PCDHGA6: variants seen among roughly 807,000 people sequenced by gnomAD.
PCDHGA6 encodes protocadherin gamma subfamily A, 6.
A neutral mutation model predicts 60.6 loss-of-function variants in PCDHGA6; 41 were observed. The observed-to-expected ratio is 0.68, with a 90% CI of 0.53 to 0.88. PCDHGA6 has a LOEUF of 0.88. Among genes scored for constraint, PCDHGA6 ranks in the 40% least tolerant of loss-of-function variants. The pLI, the probability that PCDHGA6 is intolerant of heterozygous loss-of-function variation, is 0.00. For synonymous variants in PCDHGA6, 594 were observed against 524.4 expected (o/e 1.13, Z -1.81); for missense variants, 1,312 against 1,203.0 (o/e 1.09, Z -1.34).
In PCDHGA6 at chr5:141,375,969, C is replaced by T. The variant is rs778872651; in HGVS notation, c.1886C>T (p.Ala629Val). 3 of 1,613,328 alleles carry T rather than the reference C, an allele frequency of 1.9e-6. No individual in the cohort carries two copies. The South Asian group carries it at 3.3e-5, about 18-fold the overall frequency. Residue 629 changes from alanine to valine, a missense_variant, in exon 1 of 4, where the codon GCG becomes GTG. Transcript: ENST00000517434. ...CTGCACACGGGCGAGGTGCGCACGG[C>T]GCGCGCCCTGCTGGACAGAGACGCG... Reference protein sequence around the residue: ...VGLHTGEVRTARALLDRDALK... With the variant: ...VGLHTGEVRTVRALLDRDALK...
In PCDHGA6 at chr5:141,477,813, A is replaced by T; in HGVS notation, c.2425-16994A>T. ...ACTGATCGCAATGACAATGCCCCCC[A>T]GGTCCTATATCCTCGGCCAGGTGGG... On this transcript the variant is annotated intron_variant, in intron 1 of 3. Coordinates refer to ENST00000517434, the MANE Select transcript of PCDHGA6 (RefSeq NM_018919.3). The surrounding 1 kb of genome is among the most constrained non-coding windows in gnomAD (Gnocchi z 4.9). The T allele has an allele frequency of 6.2e-7, 1 of 1,614,122 alleles. No homozygotes were observed. The highest frequency in any genetic ancestry group is 1.1e-5 in the South Asian group (1 of 91,084).
Position 141,375,227 on chromosome 5 carries a change from G to C in PCDHGA6, c.1144G>C (p.Val382Leu). Residue 382 changes from valine (V) to leucine (L), a missense_variant, in exon 1 of 4, where the codon GTA becomes CTA. Transcript: ENST00000517434. ...FDRDSGLNGL[V>L]TCSIPRSLPF... ...TCGAGACTCTGGCCTGAATGGCCTG[G>C]TAACCTGTTCCATCCCGAGAAGTCT... 1 of 1,613,962 alleles carries C rather than the reference G, an allele frequency of 6.2e-7. No homozygotes were observed. The highest frequency in any genetic ancestry group is 2.2e-5 in the East Asian group (1 of 44,888).
chr5:141,507,616 G>A (rs1288020739), intron 3 of PCDHGA6, among the ~76,000 whole-genome samples: 3 of 152,252 alleles, frequency 2.0e-5, no homozygotes, highest in Non-Finnish European at 4.4e-5. Context: ...GGTATATTTA[G>A]CTGTTGTGGC....
At chr5:141,416,913 G>C (rs2096067624) in intron 1 of PCDHGA6, 1 of 151,920 alleles carries the variant, frequency 6.6e-6, no homozygotes, top group South Asian at 2.1e-4. Context: ...ACACTCTTTA[G>C]GGTCATAGTT....
intron 3 of PCDHGA6, 87 bp from the exon 4 acceptor site, chr5:141,510,854 TGTATAG>T: frequency 6.2e-7 from 1 of 1,602,320 alleles, no homozygotes; most frequent in Non-Finnish European, 8.5e-7. Flanking sequence ...CCCAGGGTGC[TGTATAG>T]GCATTCATTA....
Position 141,374,657 on chromosome 5 carries a change from CCGGAGCTGGTGCTGG to C in PCDHGA6, c.575_589del (p.Pro192_Glu197delinsGln), listed in dbSNP as rs780169875. On this transcript the variant is annotated inframe_deletion, in exon 1 of 4. Coordinates refer to ENST00000517434, the MANE Select transcript of PCDHGA6 (RefSeq NM_018919.3). Reference sequence around the variant, plus strand: ...AAGCGAAGCCCATGGGCCCAAGTACCCGGAGCTGGTGCTGGAGGGCACACTGGACCGGGAAGGAGA... The same window carrying C: ...AAGCGAAGCCCATGGGCCCAAGTACCAGGGCACACTGGACCGGGAAGGAGA... The C allele has an allele frequency of 6.2e-7, 1 of 1,612,018 alleles. No homozygotes were observed. Among genetic ancestry groups the C allele is most frequent in the Admixed American group, 1.7e-5 (1 of 59,650 alleles).
At chr5:141,409,052 A>C in intron 1 of PCDHGA6, 2 of 1,614,050 alleles carry the variant, frequency 1.2e-6, no homozygotes, top group African/African-American at 1.3e-5. Context: ...CTTCCGAAGC[A>C]CTGCCCAGAG....
chr5:141,456,324 G>T (rs757059960), intron 1 of PCDHGA6, among the ~76,000 whole-genome samples: 15 of 152,166 alleles, frequency 9.9e-5, no homozygotes, highest in Non-Finnish European at 2.9e-5. Context: ...TCCTCCTGGG[G>T]TTGATCTAAG....
chr5:141,427,887 C>A (rs759734297), intron 1 of PCDHGA6: 2 of 1,565,908 alleles, frequency 1.3e-6, no homozygotes, highest in Admixed American at 1.7e-5. Flanking sequence ...GGCCCACGAC[C>A]AGGGCTCGCC....
Position 141,432,298 on chromosome 5 carries a change from A to T in PCDHGA6, c.2424+55791A>T. Reference sequence around the variant, plus strand: ...TGTCCATCAACTCCGACACTGGGGTACTGTATGCGCTGAGCTCCTTCGACT... The same window carrying T: ...TGTCCATCAACTCCGACACTGGGGTTCTGTATGCGCTGAGCTCCTTCGACT... On this transcript the variant is annotated intron_variant, in intron 1 of 3. Transcript: ENST00000517434. The surrounding 1 kb of genome is among the most constrained non-coding windows in gnomAD (Gnocchi z 6.0). The T allele has an allele frequency of 6.2e-7, 1 of 1,614,236 alleles. No homozygotes were observed. Among genetic ancestry groups the T allele is most frequent in the Non-Finnish European group, 8.5e-7 (1 of 1,180,036 alleles).
chr5:141,376,794 C>T, intron 1 of PCDHGA6: 1 of 353,104 alleles, frequency 2.8e-6, no homozygotes, highest in East Asian at 6.1e-5. Flanking sequence ...TCACGCCATT[C>T]TCCTGCCTCA....
chr5:141,476,666 G>T lies in PCDHGA6; in HGVS notation c.2425-18141G>T. 9 of 1,614,246 alleles carry T rather than the reference G, an allele frequency of 5.6e-6. No homozygotes were observed. Among genetic ancestry groups the T allele is most frequent in the Non-Finnish European group, 7.6e-6 (9 of 1,180,044 alleles). ...CCGAAATGAATACTTTGCGCTTCGC[G>T]TGCAGACGCGGGAGGACAGCACCAA... On this transcript the variant is annotated intron_variant, in intron 1 of 3. Transcript: ENST00000517434. This position sits in a 1 kb window ranked among gnomAD's most constrained non-coding sequence, Gnocchi z 7.6.
intron 1 of PCDHGA6, among the ~76,000 whole-genome samples, chr5:141,448,809 A>G (rs998129053): frequency 9.2e-5 from 14 of 151,812 alleles, no homozygotes; most frequent in Non-Finnish European, 1.8e-4. Flanking sequence ...GCCAGGCGTG[A>G]TGGCGGGCGC....
intron 1 of PCDHGA6, among the ~76,000 whole-genome samples, chr5:141,444,241 G>A (rs1302797543): frequency 3.1e-5 from 4 of 130,308 alleles, no homozygotes; most frequent in Admixed American, 1.9e-4. Flanking sequence ...GCATGCTCTC[G>A]GCTCACTGCA....
At position 141,438,591 on chromosome 5, in the gene PCDHGA6, CATATATATATATAT is replaced by C. The variant is rs946798767; in HGVS notation, c.2425-56184_2425-56171del. Among the ~76,000 whole-genome samples the C allele has an allele frequency of 7.9e-5, 6 of 75,562 alleles. No individual in the cohort carries two copies. The East Asian group carries it at 1.7e-3, about 22-fold the overall frequency. 49.6% of individuals were successfully genotyped at this position (75,562 alleles called of 152,430 possible). On this transcript the variant is annotated intron_variant, in intron 1 of 3. Transcript: ENST00000517434. ...TCTGATATACATACATACATACATA[CATATATATATATAT>C]ATATATATATATATATATATATATA...
At chr5:141,409,398 A>C in intron 1 of PCDHGA6, 1 of 1,614,050 alleles carries the variant, frequency 6.2e-7, no homozygotes, top group Non-Finnish European at 8.5e-7. Flanking sequence ...TCTTCTTCCA[A>C]TAACTACTAC....
chr5:141,502,750 A>G (rs974131144), intron 2 of PCDHGA6, among the ~76,000 whole-genome samples: 3 of 151,928 alleles, frequency 2.0e-5, no homozygotes, highest in Non-Finnish European at 4.4e-5. Context: ...TTCCTTCTAC[A>G]TGTATTTGCT....
intron 2 of PCDHGA6, among the ~76,000 whole-genome samples, chr5:141,498,394 A>G (rs1043900807): frequency 6.6e-6 from 1 of 152,096 alleles, no homozygotes; most frequent in Non-Finnish European, 1.5e-5. Flanking sequence ...AGGGAATGGC[A>G]GGGAGTTTTC....
chr5:141,396,492 C>G (rs970666488), intron 1 of PCDHGA6: 1 of 151,944 alleles, frequency 6.6e-6, no homozygotes, highest in Non-Finnish European at 1.5e-5. Context: ...TGGTGGCATG[C>G]GCCTGTGGTC....
Sources: gnomAD v4.1 joint callset for allele counts (sites outside exome capture counted in the v4.1 genomes callset) on GRCh38, gnomAD v4.1.1 for gene constraint, Gnocchi (gnomAD v3.1) non-coding constraint, MANE v1.5 for transcripts, NCBI Gene and HGNC (gene_info 2026-07-23, HGNC 2026-07-21) for gene names.